The following MARCHF1 variants were observed in gnomAD, a reference collection of about 807,000 sequenced individuals.
The protein encoded by MARCHF1 is E3 ubiquitin-protein ligase MARCHF1.
MARCHF1 carries 40 observed loss-of-function variants against 54.2 expected under a neutral mutation model. The ratio of observed to expected loss-of-function variants is 0.74; its 90% CI spans 0.57 to 0.96. The LOEUF (loss-of-function observed/expected upper bound fraction) is 0.96. Among genes scored for constraint, MARCHF1 ranks in the 40% least tolerant of loss-of-function variants. The pLI, the probability that MARCHF1 is intolerant of heterozygous loss-of-function variation, is 0.00. For synonymous variants in MARCHF1, 236 were observed against 236.3 expected, an observed-to-expected ratio of 1.00 and a Z score of 0.01; for missense variants, 586 against 656.5, an observed-to-expected ratio of 0.89 and a Z score of 1.17.
At chr4:163,917,590 T>A (rs938695493) in intron 3 of MARCHF1, among the ~76,000 whole-genome samples, 7 of 152,158 alleles carry the variant, frequency 4.6e-5, no homozygotes, top group African/African-American at 1.7e-4. Flanking sequence ...TGGGCCAATT[T>A]TTTCCTGATA....
chr4:163,529,516 AG>A (rs1738272728), intron 9 of MARCHF1, among the ~76,000 whole-genome samples: 1 of 152,020 alleles, frequency 6.6e-6, no homozygotes, highest in Admixed American at 6.6e-5. Flanking sequence ...AAAATGTAAA[AG>A]GAAAGGAAGG....
chr4:163,600,999 C>T (rs575544026), intron 7 of MARCHF1, among the ~76,000 whole-genome samples: 40 of 152,250 alleles, frequency 2.6e-4, no homozygotes, highest in Middle Eastern at 6.8e-3. Context: ...AGATACTGTG[C>T]TGTGTTTAGG....
chr4:164,030,134 T>G (rs1029421402), intron 2 of MARCHF1, among the ~76,000 whole-genome samples: 5 of 152,086 alleles, frequency 3.3e-5, no homozygotes, highest in African/African-American at 1.2e-4. Context: ...CTCAATACTT[T>G]AAATCATTTA....
chr4:163,700,800 G>A lies in MARCHF1; in HGVS notation c.162+13C>T, dbSNP rs1744788413. ...CAGAAGTCAACAAACAAGAAAATGA[G>A]TACTTCACCTACTTTTGAAATGTTA... is the stretch of plus-strand genomic sequence containing the variant. On this transcript the variant is annotated intron_variant, in intron 5 of 9. Transcript: ENST00000514618. The A allele has an allele frequency of 1.3e-6, 2 of 1,532,882 alleles. No individual in the cohort carries two copies. Among genetic ancestry groups the A allele is most frequent in the Admixed American group, 2.0e-5 (1 of 50,926 alleles). The allele number at this position is 1,532,882 out of a possible 1,614,324, so 95.0% of individuals were successfully genotyped here. A position where few individuals can be genotyped will look rare whatever the true frequency, so the allele number is the denominator to read the frequency against.
chr4:164,268,714 G>C (rs191841280), intron 1 of MARCHF1, among the ~76,000 whole-genome samples: 3 of 152,014 alleles, frequency 2.0e-5, no homozygotes, highest in Admixed American at 2.0e-4. Context: ...ATCAAATTCT[G>C]ACTACTATTA....
chr4:164,066,077 A>T (rs1283450691), intron 2 of MARCHF1, among the ~76,000 whole-genome samples: 2 of 152,092 alleles, frequency 1.3e-5, no homozygotes, highest in Non-Finnish European at 2.9e-5. Context: ...CTATCTAGGC[A>T]CCCTTCAACC....
intron 2 of MARCHF1, among the ~76,000 whole-genome samples, chr4:164,035,212 G>A (rs1298230762): frequency 2.0e-5 from 3 of 151,916 alleles, no homozygotes; most frequent in Non-Finnish European, 4.4e-5. Flanking sequence ...AGTGAAAGTA[G>A]ATGTTTAACA....
chr4:164,262,545 C>A (rs923151830), intron 1 of MARCHF1, among the ~76,000 whole-genome samples: 3 of 152,156 alleles, frequency 2.0e-5, no homozygotes, highest in African/African-American at 7.2e-5. Flanking sequence ...AAAACAGGAA[C>A]ATCTAGTCCT....
rs181868722 is a variant in MARCHF1 at position 164,083,023 on chromosome 4, C to T, written c.-248+28565G>A. Among the ~76,000 whole-genome samples the T allele has an allele frequency of 1.1e-4, 16 of 152,220 alleles. No individual in the cohort carries two copies. The East Asian group carries it at 2.7e-3, about 26-fold the overall frequency. ...TTAAAATCTGTACCACCCAATGTTGCTACAAAATAAATATAAATGGTGGTT... is the reference window on the plus strand; with the variant it reads ...TTAAAATCTGTACCACCCAATGTTGTTACAAAATAAATATAAATGGTGGTT... On this transcript the variant is annotated intron_variant, in intron 2 of 9. Coordinates refer to ENST00000514618, the MANE Select transcript of MARCHF1 (RefSeq NM_001394959.1).
chr4:164,261,124 G>T (rs1733449456), intron 1 of MARCHF1, among the ~76,000 whole-genome samples: 1 of 152,134 alleles, frequency 6.6e-6, no homozygotes, highest in Admixed American at 6.5e-5. Flanking sequence ...ACTGGAAGCA[G>T]AGAAAGAGGA....
intron 5 of MARCHF1, among the ~76,000 whole-genome samples, chr4:163,662,943 G>A (rs918570446): frequency 2.0e-5 from 3 of 151,466 alleles, no homozygotes; most frequent in Non-Finnish European, 4.4e-5. Context: ...CTTCTTCAGA[G>A]AGATTGTGTT....
chr4:163,709,706 G>A lies in MARCHF1; in HGVS notation c.112-8843C>T, dbSNP rs114582448. On this transcript the variant is annotated intron_variant, in intron 4 of 9. Coordinates refer to ENST00000514618, the MANE Select transcript of MARCHF1 (RefSeq NM_001394959.1). Reference sequence around the variant, plus strand: ...AGTGGGATTGGTGGAAAAATCACAAGATTTGTAGTTACAACACTTGCATTA... The same window carrying A: ...AGTGGGATTGGTGGAAAAATCACAAAATTTGTAGTTACAACACTTGCATTA... Among the ~76,000 whole-genome samples, 475 of 152,292 alleles carry A rather than the reference G, an allele frequency of 3.1e-3. 2 individuals are homozygous for A. Among genetic ancestry groups the A allele is most frequent in the Middle Eastern group, 0.01 (3 of 294 alleles).
rs570230226 is a variant in MARCHF1 at position 163,952,153 on chromosome 4, AAAT to A, written c.-39+36345_-39+36347del. On this transcript the variant is annotated intron_variant, in intron 3 of 9. Coordinates refer to ENST00000514618, the MANE Select transcript of MARCHF1 (RefSeq NM_001394959.1). ...AACATATATTTGAGTTTGATCTTGC[AAAT>A]ATACAGACATATTTTCCATTTCCTA... Among the ~76,000 whole-genome samples the A allele has an allele frequency of 8.7e-3, 1,327 of 152,300 alleles. 11 individuals are homozygous for A. The highest frequency in any genetic ancestry group is 0.014 in the Non-Finnish European group (925 of 68,008).
At chr4:163,580,772 C>T (rs1579081751) in intron 8 of MARCHF1, among the ~76,000 whole-genome samples, 1 of 151,658 alleles carries the variant, frequency 6.6e-6, no homozygotes, top group Non-Finnish European at 1.5e-5. Flanking sequence ...AGATTTCCAT[C>T]AGGAATGATT....
chr4:164,115,001 G>A (rs1265890192), intron 1 of MARCHF1, among the ~76,000 whole-genome samples: 1 of 151,876 alleles, frequency 6.6e-6, no homozygotes, highest in East Asian at 1.9e-4. Context: ...ATCTCAGAAG[G>A]TGGACGTATT....
chr4:163,960,825 AAAAC>A (rs1752332353), intron 3 of MARCHF1, among the ~76,000 whole-genome samples: 1 of 151,790 alleles, frequency 6.6e-6, no homozygotes. Flanking sequence ...AAAAAAAAAA[AAAAC>A]AGACTGGGTA....
At chr4:163,855,543 G>A (rs760258335) in intron 3 of MARCHF1, among the ~76,000 whole-genome samples, 1 of 152,152 alleles carries the variant, frequency 6.6e-6, no homozygotes, top group Non-Finnish European at 1.5e-5. Context: ...TGTGCTAAGA[G>A]TAAATGAAAA....
intron 3 of MARCHF1, among the ~76,000 whole-genome samples, chr4:163,925,989 T>C (rs1046197895): frequency 1.3e-5 from 2 of 151,752 alleles, no homozygotes; most frequent in Admixed American, 6.6e-5. Flanking sequence ...TTTCTTCTGA[T>C]TTCAGTATGC....
chr4:164,165,700 G>A (rs1017071579), intron 1 of MARCHF1, among the ~76,000 whole-genome samples: 8 of 151,914 alleles, frequency 5.3e-5, no homozygotes, highest in Non-Finnish European at 1.2e-4. Context: ...GAACTGAAAG[G>A]CCCTGCATTT....
Sources: gnomAD v4.1 joint callset for allele counts (sites outside exome capture counted in the v4.1 genomes callset) on GRCh38, gnomAD v4.1.1 for gene constraint, MANE v1.5 for transcripts, NCBI Gene and HGNC (gene_info 2026-07-23, HGNC 2026-07-21) for gene names.